EZR: variants seen among roughly 807,000 people sequenced by gnomAD.
The protein encoded by EZR is ezrin, also known as cytovillin 2.
Under a neutral mutation model 74.8 loss-of-function variants are expected in EZR, and 40 were observed. That is an observed-to-expected ratio of 0.53 (90% CI 0.42 to 0.70). EZR has a LOEUF of 0.70. Ranked by LOEUF, EZR falls within the 30% of genes least tolerant of loss-of-function variation. The pLI is 0.00. For missense variants in EZR, 678 were observed against 755.8 expected (o/e 0.90, Z 1.21); for synonymous variants, 341 against 283.3 (o/e 1.20, Z -2.05).
At chr6:158,783,406 G>T in intron 7 of EZR, 114 bp downstream of exon 7, 1 of 843,320 alleles carries the variant, frequency 1.2e-6, no homozygotes, top group East Asian at 2.4e-5. Context: ...TCCTACTTTG[G>T]GATAGTAAGT....
chr6:158,780,939 G>T (rs1238589612), intron 7 of EZR, among the ~76,000 whole-genome samples: 1 of 152,168 alleles, frequency 6.6e-6, no homozygotes, highest in Non-Finnish European at 1.5e-5. Flanking sequence ...ATGCTTATGT[G>T]TACAATGAAA....
In EZR at chr6:158,786,657, C is replaced by CAA. The variant is rs5881287; in HGVS notation, c.192+449_192+450dup. Among the ~76,000 whole-genome samples the CAA allele has an allele frequency of 4.4e-3, 631 of 144,720 alleles. 11 individuals carry two copies. The South Asian group carries it at 0.048, about 11-fold the overall frequency. 94.9% of individuals were successfully genotyped at this position (144,720 alleles called of 152,430 possible). On this transcript the variant is annotated intron_variant, in intron 4 of 13. Transcript: ENST00000367075. The stretch of plus-strand genomic sequence containing the variant: ...TGACTTGGGAGGACAGTGGGGGTTT[C>CAA]AAAAAAAAAAAAAAGGATAATTTTC...
At position 158,783,533 on chromosome 6, in the gene EZR, CATAA is replaced by C; in HGVS notation, c.681_684del (p.Ile227MetfsTer7). 6.2e-7 allele frequency: 1 copy of C among 1,612,250 alleles called. No homozygotes were observed. ...ACTTCAACTCACTTATCATCTTTCT[CATAA>C]ATATTCAGTCCAAGGGCATCAACTC... On this transcript the variant is annotated frameshift_variant, in exon 7 of 14. Coordinates refer to ENST00000367075, the MANE Select transcript of EZR (RefSeq NM_001111077.2). LOFTEE classifies it high-confidence loss of function.
intron 7 of EZR, among the ~76,000 whole-genome samples, chr6:158,781,458 C>A (rs1009643127): frequency 2.0e-5 from 3 of 152,180 alleles, no homozygotes; most frequent in African/African-American, 7.2e-5. Context: ...GGGCACACAG[C>A]TCACGTTTTT....
intron 2 of EZR, among the ~76,000 whole-genome samples, chr6:158,806,842 A>G (rs1777350238): frequency 6.6e-6 from 1 of 152,200 alleles, no homozygotes; most frequent in Non-Finnish European, 1.5e-5. Flanking sequence ...ATGTAAGCAA[A>G]TACTTCAACA....
chr6:158,775,696 A>G (rs543571286), intron 8 of EZR, among the ~76,000 whole-genome samples: 11 of 152,368 alleles, frequency 7.2e-5, no homozygotes, highest in Non-Finnish European at 1.6e-4. Flanking sequence ...TTCTGATTAG[A>G]TAACAAAATC....
intron 8 of EZR, among the ~76,000 whole-genome samples, chr6:158,771,650 G>A (rs987452394): frequency 1.3e-5 from 2 of 152,242 alleles, no homozygotes; most frequent in Admixed American, 6.5e-5. Flanking sequence ...GGGACGGGTG[G>A]AGGAAGGGCA....
chr6:158,818,339 G>GGGGCC (rs534358845), intron 1 of EZR, 173 bp from the exon 2 acceptor site: 6,028 of 240,436 alleles, frequency 0.025, 372 homozygotes, highest in African/African-American at 0.13. Context: ...CGGGCGGGGC[G>GGGGCC]GGGCCGGGCC....
chr6:158,794,414 A>G (rs1232454767), intron 2 of EZR, among the ~76,000 whole-genome samples: 1 of 152,212 alleles, frequency 6.6e-6, no homozygotes, highest in Admixed American at 6.5e-5. Context: ...CCTCATCAGC[A>G]ACTGTTTTTA....
intron 1 of EZR, 136 bp from the exon 2 acceptor site, chr6:158,818,302 C>A: frequency 3.0e-6 from 1 of 336,564 alleles, no homozygotes; most frequent in Non-Finnish European, 5.3e-6. Context: ...GCGCCCCGCC[C>A]AGCACTGCGG....
intron 4 of EZR, 49 bp downstream of exon 4, chr6:158,787,059 G>T: frequency 6.9e-7 from 1 of 1,444,810 alleles, no homozygotes; most frequent in Non-Finnish European, 9.7e-7. Context: ...TATCGATGAA[G>T]CAGACCAACA....
intron 2 of EZR, among the ~76,000 whole-genome samples, chr6:158,812,775 C>T (rs956386770): frequency 6.6e-5 from 10 of 152,116 alleles, no homozygotes; most frequent in African/African-American, 2.4e-4. Flanking sequence ...GATTACTTAC[C>T]TCAGCGATGG....
At chr6:158,769,017 G>A (rs1257708353) in intron 12 of EZR, among the ~76,000 whole-genome samples, 4 of 152,206 alleles carry the variant, frequency 2.6e-5, no homozygotes, top group African/African-American at 7.2e-5. Flanking sequence ...GGGGCTGTCA[G>A]ATCAGCACTG....
intron 2 of EZR, among the ~76,000 whole-genome samples, chr6:158,796,505 T>C (rs1481396831): frequency 2.0e-5 from 3 of 152,216 alleles, no homozygotes; most frequent in Non-Finnish European, 4.4e-5. Flanking sequence ...GACCATTTAA[T>C]CTGTGAGCAT....
intron 2 of EZR, 21 bp from the exon 3 acceptor site, chr6:158,789,392 A>G (rs747612873): frequency 1.3e-5 from 21 of 1,600,378 alleles, no homozygotes; most frequent in East Asian, 2.2e-5. Context: ...GAATGAAACA[A>G]ATTACGCTTA....
At chr6:158,776,555 G>T in intron 7 of EZR, 51 bp from the exon 8 acceptor site, 1 of 1,315,138 alleles carries the variant, frequency 7.6e-7, no homozygotes, top group Non-Finnish European at 1.1e-6. Flanking sequence ...TATGTTCTTG[G>T]ATTGGCTAAG....
intron 8 of EZR, among the ~76,000 whole-genome samples, chr6:158,774,222 G>A (rs1791202167): frequency 6.6e-6 from 1 of 152,104 alleles, no homozygotes; most frequent in South Asian, 2.1e-4. Context: ...GCAGTGCCTC[G>A]AGCAGCCCTG....
rs2128566018 is a variant in EZR, at chr6:158,770,770, C to T, written c.1084G>A (p.Glu362Lys). 1.2e-6 allele frequency: 2 copies of T among 1,614,196 alleles called. No individual in the cohort carries two copies. The highest frequency in any genetic ancestry group is 1.7e-6 in the Non-Finnish European group (2 of 1,180,038). ...QDYEEKTKKAERELSEQIQRA... is the reference protein window; with the variant it reads ...QDYEEKTKKAKRELSEQIQRA... ...CAGCCCCAGGGCGCCTGACCTCTCT[C>T]TGCCTTCTTTGTCTTCTCCTCATAG... The change falls in exon 10 of 14, where the codon GAG becomes AAG. Residue 362 changes from glutamate to lysine, a missense_variant. By Grantham distance (56) the Glu-to-Lys change is moderately conservative (BLOSUM62 1). This residue lies in a region of EZR where 342 missense variants were observed against 341.2 expected (regional missense o/e 1.00). Coordinates refer to ENST00000367075, the MANE Select transcript of EZR (RefSeq NM_001111077.2).
rs530427763 is a variant in EZR at position 158,818,214 on chromosome 6, C to A, written c.-73-48G>T. 1.3e-4 allele frequency: 137 copies of A among 1,071,912 alleles called. 2 individuals are homozygous for A. The South Asian group carries it at 2.1e-3, about 16-fold the overall frequency. The allele number at this position is 1,071,912 out of a possible 1,614,324, so 66.4% of individuals were successfully genotyped here. A position where few individuals can be genotyped will look rare whatever the true frequency, so the allele number is the denominator to read the frequency against. On this transcript the variant is annotated intron_variant, in intron 1 of 13. Transcript: ENST00000367075. ...AGAGCGCCCGCCCGCCCTGCCTCGT[C>A]CTCCTGCCGCGCCCGACACTCGGCG...
Sources: gnomAD v4.1 joint callset for allele counts (sites outside exome capture counted in the v4.1 genomes callset) on GRCh38, gnomAD v4.1.1 for gene constraint, gnomAD v4.1.1 regional missense constraint, MANE v1.5 for transcripts, NCBI Gene and HGNC (gene_info 2026-07-23, HGNC 2026-07-21) for gene names.